Variants in ARFIP1 observed in about 807,000 individuals in gnomAD.
ARFIP1 encodes the protein arfaptin-1.
ARFIP1 carries 24 observed loss-of-function variants against 42.5 expected under a neutral mutation model. That is an observed-to-expected ratio of 0.57 (90% confidence interval 0.41 to 0.80). ARFIP1 has a LOEUF of 0.80. ARFIP1 is among the 30% of genes least tolerant of loss of function. The probability of loss-of-function intolerance (pLI) is 0.00; values close to 1 mark genes in which losing one functional copy is unlikely to be tolerated. For synonymous variants in ARFIP1, 141 were observed against 153.7 expected, an observed-to-expected ratio of 0.92 and a Z score of 0.61; for missense variants, 354 against 434.0, an observed-to-expected ratio of 0.82 and a Z score of 1.64.
intron 8 of ARFIP1, among the ~76,000 whole-genome samples, chr4:152,902,593 C>T (rs1737938580): frequency 6.6e-6 from 1 of 152,160 alleles, no homozygotes; most frequent in Non-Finnish European, 1.5e-5. Context: ...AAAGTTAGTG[C>T]TCCCCCAGTA....
At chr4:152,812,111 T>C (rs1341285660) in intron 1 of ARFIP1, among the ~76,000 whole-genome samples, 1 of 152,214 alleles carries the variant, frequency 6.6e-6, no homozygotes, top group African/African-American at 2.4e-5. Context: ...CATAGTTCCA[T>C]TGCTGTAATT....
chr4:152,846,315 G>T (rs1732533764), intron 2 of ARFIP1, among the ~76,000 whole-genome samples: 1 of 152,074 alleles, frequency 6.6e-6, no homozygotes, highest in Non-Finnish European at 1.5e-5. Context: ...CAATGTATCT[G>T]AGTAACAAAC....
chr4:152,810,796 A>G (rs1729385883), intron 1 of ARFIP1, among the ~76,000 whole-genome samples: 1 of 152,046 alleles, frequency 6.6e-6, no homozygotes. Context: ...AGCCTGGGCT[A>G]CAGAGCGAGA....
At chr4:152,850,957 A>G (rs1162419575) in intron 2 of ARFIP1, among the ~76,000 whole-genome samples, 2 of 152,228 alleles carry the variant, frequency 1.3e-5, no homozygotes, top group African/African-American at 4.8e-5. Context: ...GATACTTTTT[A>G]TAGACAGCTA....
Position 152,851,540 on chromosome 4 carries a change from A to G in ARFIP1, c.94-12066A>G, listed in dbSNP as rs149108614. 4.5e-4 allele frequency among the ~76,000 whole-genome samples: 68 copies of G among 152,340 alleles called. 1 individual carries two copies. In the East Asian group the frequency reaches 6.7e-3, roughly 15 times the overall value. On this transcript the variant is annotated intron_variant, in intron 2 of 8. Transcript: ENST00000353617. The stretch of plus-strand genomic sequence containing the variant: ...TAGATCCTGCAAAACCTTGAAAACC[A>G]TATTGAAGAGTTTAGTCTTTACCTA...
chr4:152,842,859 G>A (rs1045314495), intron 2 of ARFIP1, among the ~76,000 whole-genome samples: 4 of 150,958 alleles, frequency 2.6e-5, no homozygotes, highest in African/African-American at 7.3e-5. Flanking sequence ...ATTGGTCTTC[G>A]CATTTCTCTG....
intron 1 of ARFIP1, among the ~76,000 whole-genome samples, chr4:152,822,316 A>AAAAAAC (rs1730450311): frequency 6.6e-6 from 1 of 150,638 alleles, no homozygotes; most frequent in Admixed American, 6.6e-5. Flanking sequence ...AAAAAAAAAA[A>AAAAAAC]AAAGACAAGG....
chr4:152,878,738 T>C (rs1239278449), intron 5 of ARFIP1, among the ~76,000 whole-genome samples: 1 of 152,196 alleles, frequency 6.6e-6, no homozygotes, highest in African/African-American at 2.4e-5. Flanking sequence ...CCGTTATTTC[T>C]GTGGGGGAAA....
intron 1 of ARFIP1, among the ~76,000 whole-genome samples, chr4:152,782,140 G>C (rs1231196167): frequency 6.6e-6 from 1 of 151,092 alleles, no homozygotes; most frequent in Non-Finnish European, 1.5e-5. Context: ...TTCCCAAACT[G>C]TGCAAAGGAG....
At chr4:152,871,528 T>C (rs1734882002) in intron 4 of ARFIP1, among the ~76,000 whole-genome samples, 1 of 152,030 alleles carries the variant, frequency 6.6e-6, no homozygotes, top group Admixed American at 6.5e-5. Context: ...TATACCATTC[T>C]TGTTCTCGGA....
intron 2 of ARFIP1, among the ~76,000 whole-genome samples, chr4:152,841,729 A>G (rs916632537): frequency 1.3e-5 from 2 of 152,164 alleles, no homozygotes; most frequent in Admixed American, 1.3e-4. Flanking sequence ...AATCCATTCT[A>G]GCTTGTAGGG....
chr4:152,872,720 T>C (rs1311493270), intron 5 of ARFIP1, among the ~76,000 whole-genome samples, 156 bp downstream of exon 5: 1 of 152,180 alleles, frequency 6.6e-6, no homozygotes, highest in Non-Finnish European at 1.5e-5. Flanking sequence ...GTATTTGTTT[T>C]ATCATTGATC....
chr4:152,891,094 C>T (rs886677521), intron 8 of ARFIP1, among the ~76,000 whole-genome samples: 1 of 152,120 alleles, frequency 6.6e-6, no homozygotes, highest in African/African-American at 2.4e-5. Context: ...GGGGTCCCTC[C>T]CATTCCTTTA....
intron 2 of ARFIP1, among the ~76,000 whole-genome samples, chr4:152,830,060 C>CTA (rs1022574579): frequency 6.6e-6 from 1 of 152,164 alleles, no homozygotes; most frequent in South Asian, 2.1e-4. Flanking sequence ...AATAACTTTT[C>CTA]TATATATATG....
chr4:152,791,474 C>G (rs1213337351), intron 1 of ARFIP1, among the ~76,000 whole-genome samples: 2 of 152,078 alleles, frequency 1.3e-5, no homozygotes, highest in Admixed American at 6.5e-5. Flanking sequence ...TATTCAGTTA[C>G]GAAATCAAAA....
intron 2 of ARFIP1, among the ~76,000 whole-genome samples, chr4:152,858,012 C>T (rs1733577505): frequency 6.6e-6 from 1 of 152,172 alleles, no homozygotes; most frequent in Non-Finnish European, 1.5e-5. Flanking sequence ...AATAAATAAG[C>T]CACCCCTGTT....
At chr4:152,896,346 A>AC (rs879915206) in intron 8 of ARFIP1, among the ~76,000 whole-genome samples, 5 of 152,068 alleles carry the variant, frequency 3.3e-5, no homozygotes, top group Non-Finnish European at 4.4e-5. Flanking sequence ...ATGAGAAAGA[A>AC]CTCAATGGTT....
At chr4:152,843,905 T>A (rs1732321653) in intron 2 of ARFIP1, among the ~76,000 whole-genome samples, 1 of 152,134 alleles carries the variant, frequency 6.6e-6, no homozygotes, top group African/African-American at 2.4e-5. Context: ...CACACGGGAT[T>A]TGTGCCCTCC....
At chr4:152,891,155 T>G (rs919887417) in intron 8 of ARFIP1, among the ~76,000 whole-genome samples, 8 of 152,204 alleles carry the variant, frequency 5.3e-5, no homozygotes, top group African/African-American at 9.6e-5. Flanking sequence ...CAAAGGTGAT[T>G]AGTACCTTCT....
Sources: allele counts gnomAD v4.1 joint callset (sites outside exome capture counted in the v4.1 genomes callset), GRCh38; gene constraint gnomAD v4.1.1; transcripts MANE v1.5; gene names NCBI Gene and HGNC (gene_info 2026-07-23, HGNC 2026-07-21).